The following GRID2 variants were observed in gnomAD, a reference collection of about 807,000 sequenced individuals.
The protein encoded by GRID2 is glutamate receptor ionotropic, delta-2.
In GRID2, 33 loss-of-function variants were observed where a neutral mutation model predicts 114.8. The observed-to-expected ratio is 0.29, with a 90% confidence interval of 0.22 to 0.38. The LOEUF (loss-of-function observed/expected upper bound fraction) is 0.38. Among genes scored for constraint, GRID2 ranks in the 10% least tolerant of loss-of-function variants. GRID2 has a pLI of 1.00. For synonymous variants in GRID2, 505 were observed against 449.9 expected, an observed-to-expected ratio of 1.12 and a Z score of -1.55; for missense variants, 1,184 against 1,257.7, an observed-to-expected ratio of 0.94 and a Z score of 0.89.
At chr4:93,353,295 A>G (rs1481491793) in intron 8 of GRID2, among the ~76,000 whole-genome samples, 1 of 152,046 alleles carries the variant, frequency 6.6e-6, no homozygotes, top group Non-Finnish European at 1.5e-5. Flanking sequence ...TAAAGAAGGA[A>G]AAGTACCAGG....
chr4:92,753,346 T>C (rs1348816805), intron 2 of GRID2, among the ~76,000 whole-genome samples: 1 of 152,126 alleles, frequency 6.6e-6, no homozygotes, highest in Non-Finnish European at 1.5e-5. Flanking sequence ...TTTGAAACAC[T>C]GGAGGAATGA....
intron 8 of GRID2, among the ~76,000 whole-genome samples, chr4:93,296,640 C>T (rs1754341426): frequency 6.6e-6 from 1 of 152,220 alleles, no homozygotes; most frequent in Non-Finnish European, 1.5e-5. Flanking sequence ...ATATTTCACT[C>T]TCTGGCCATG....
chr4:93,665,843 A>G (rs1225236449), intron 14 of GRID2, among the ~76,000 whole-genome samples: 1 of 152,052 alleles, frequency 6.6e-6, no homozygotes, highest in African/African-American at 2.4e-5. Context: ...GTGTTTTACT[A>G]TTTATACTTC....
rs146600172 is a variant in GRID2, at chr4:93,299,984, T to G, written c.1245+61494T>G. 1.1e-4 allele frequency among the ~76,000 whole-genome samples: 16 copies of G among 152,338 alleles called. No individual in the cohort carries two copies. In the East Asian group the frequency reaches 2.5e-3, roughly 24 times the overall value. On this transcript the variant is annotated intron_variant, in intron 8 of 15. Transcript: ENST00000282020. ...CAAATCTGCAGATGCCCAAGTCCCT[T>G]ATTTAAGATGAAGTAGTATTTGCAT... is the stretch of plus-strand genomic sequence containing the variant.
Position 92,641,019 on chromosome 4 carries a change from AAAG to A in GRID2, c.244+50738_244+50740del, listed in dbSNP as rs541896998. 4.1e-4 allele frequency among the ~76,000 whole-genome samples: 62 copies of A among 151,756 alleles called. No homozygotes were observed. In the South Asian group the frequency reaches 0.012, roughly 30 times the overall value. On this transcript the variant is annotated intron_variant, in intron 2 of 15. Coordinates refer to ENST00000282020, the MANE Select transcript of GRID2 (RefSeq NM_001510.4). ...GAAGGAAGGAAGAATAAGGACGACAAAAGAAGAGAGGGAAGGAAAGAAAAAACT... is the reference window on the plus strand; with the variant it reads ...GAAGGAAGGAAGAATAAGGACGACAAAAGAGAGGGAAGGAAAGAAAAAACT...
chr4:93,346,380 G>C (rs996944170), intron 8 of GRID2, among the ~76,000 whole-genome samples: 6 of 152,118 alleles, frequency 3.9e-5, no homozygotes, highest in South Asian at 2.1e-4. Flanking sequence ...TGGAAGCTTT[G>C]ACTTCCTGCT....
chr4:93,049,272 C>T (rs1211496609), intron 2 of GRID2, among the ~76,000 whole-genome samples: 1 of 151,982 alleles, frequency 6.6e-6, no homozygotes, highest in African/African-American at 2.4e-5. Context: ...ACAGCATTCT[C>T]ATTTATTTAT....
rs868760837 is a variant in GRID2, at chr4:93,715,381, T to C, written c.2361-53829T>C. Among the ~76,000 whole-genome samples, 51 of 152,308 alleles carry C rather than the reference T, an allele frequency of 3.3e-4. No individual in the cohort carries two copies. In the Middle Eastern group the frequency reaches 0.024, roughly 71 times the overall value. On this transcript the variant is annotated intron_variant, in intron 14 of 15. Coordinates refer to ENST00000282020, the MANE Select transcript of GRID2 (RefSeq NM_001510.4). Reference sequence around the variant, plus strand: ...CAGTAACATGATGCCTCCAGCTTTGTTCTTTTTGCTTAGGATTGTCTTGAC... The same window carrying C: ...CAGTAACATGATGCCTCCAGCTTTGCTCTTTTTGCTTAGGATTGTCTTGAC...
rs565491297 is a variant in GRID2, at chr4:92,638,716, T to G, written c.244+48430T>G. Among the ~76,000 whole-genome samples the G allele has an allele frequency of 1.7e-3, 256 of 150,574 alleles. 2 individuals carry two copies. The highest frequency in any genetic ancestry group is 4.4e-3 in the African/African-American group (182 of 41,374). On this transcript the variant is annotated intron_variant, in intron 2 of 15. Coordinates refer to ENST00000282020, the MANE Select transcript of GRID2 (RefSeq NM_001510.4). Reference sequence around the variant, plus strand: ...GATGAGAACTCTTGTAAATAAAAGATTAATGAAATTTAGAATCTATTGAAA... The same window carrying G: ...GATGAGAACTCTTGTAAATAAAAGAGTAATGAAATTTAGAATCTATTGAAA...
chr4:93,025,649 C>T lies in GRID2; in HGVS notation c.245-59346C>T, dbSNP rs78246916. ...AAAAATTATACTTTTAATGTTCCTA[C>T]CACCGGGGCAAACTTCCTTCCTTGC... On this transcript the variant is annotated intron_variant, in intron 2 of 15. Transcript: ENST00000282020. Among the ~76,000 whole-genome samples the T allele has an allele frequency of 1.5e-4, 23 of 151,730 alleles. No homozygotes were observed. In the East Asian group the frequency reaches 4.3e-3, roughly 28 times the overall value.
chr4:92,600,834 C>T (rs1265055438), intron 2 of GRID2, among the ~76,000 whole-genome samples: 2 of 152,172 alleles, frequency 1.3e-5, no homozygotes, highest in African/African-American at 2.4e-5. Flanking sequence ...ATCTGGTGAC[C>T]CCTGTTGGAG....
At chr4:92,987,173 T>C (rs1754554575) in intron 2 of GRID2, among the ~76,000 whole-genome samples, 1 of 152,184 alleles carries the variant, frequency 6.6e-6, no homozygotes, top group African/African-American at 2.4e-5. Flanking sequence ...ACTGTTATAC[T>C]AAACTTACGA....
intron 2 of GRID2, among the ~76,000 whole-genome samples, chr4:92,852,037 G>C (rs377593197): frequency 6.6e-6 from 1 of 151,846 alleles, no homozygotes; most frequent in Non-Finnish European, 1.5e-5. Context: ...GAAGAAGCAG[G>C]CCTTTGGTCA....
chr4:93,022,529 A>T (rs1186595971), intron 2 of GRID2, among the ~76,000 whole-genome samples: 2 of 151,956 alleles, frequency 1.3e-5, no homozygotes, highest in Non-Finnish European at 2.9e-5. Context: ...TTTTCTAGGA[A>T]TACATTTTTA....
intron 11 of GRID2, among the ~76,000 whole-genome samples, chr4:93,464,829 C>T (rs549876822): frequency 1.3e-5 from 2 of 152,248 alleles, no homozygotes; most frequent in Admixed American, 6.5e-5. Flanking sequence ...ATCTTAGACT[C>T]CAAATTAACA....
At chr4:93,488,234 TA>T (rs1726607141) in intron 11 of GRID2, among the ~76,000 whole-genome samples, 1 of 151,990 alleles carries the variant, frequency 6.6e-6, no homozygotes, top group African/African-American at 2.4e-5. Flanking sequence ...CATATGGATG[TA>T]AAAATAAATA....
chr4:93,260,290 A>G (rs190287204), intron 8 of GRID2, among the ~76,000 whole-genome samples: 177 of 151,660 alleles, frequency 1.2e-3, no homozygotes, highest in Middle Eastern at 0.01. Context: ...TGTTATCTTT[A>G]TAAGAAAAAA....
chr4:92,365,116 A>C (rs1362831517), intron 1 of GRID2, among the ~76,000 whole-genome samples: 1 of 152,050 alleles, frequency 6.6e-6, no homozygotes, highest in Non-Finnish European at 1.5e-5. Context: ...CTACCATATA[A>C]TCCAGCAAAT....
chr4:92,537,977 T>G (rs1278038008), intron 1 of GRID2, among the ~76,000 whole-genome samples: 8 of 152,184 alleles, frequency 5.3e-5, no homozygotes, highest in Admixed American at 5.2e-4. Flanking sequence ...CCAATCTTCA[T>G]GTTGCCATTT....
Sources: gnomAD v4.1 joint callset for allele counts (sites outside exome capture counted in the v4.1 genomes callset) on GRCh38, gnomAD v4.1.1 for gene constraint, MANE v1.5 for transcripts, NCBI Gene and HGNC (gene_info 2026-07-23, HGNC 2026-07-21) for gene names.